SLC14A2: variants seen among roughly 807,000 people sequenced by gnomAD.
The protein encoded by SLC14A2 is urea transporter 2.
A neutral mutation model predicts 104.6 loss-of-function variants in SLC14A2; 91 were observed. That is an observed-to-expected ratio of 0.87 (90% CI 0.73 to 1.04). The LOEUF is 1.04. Among genes scored for constraint, SLC14A2 ranks in the 50% least tolerant of loss-of-function variants. The pLI is 0.00. For synonymous variants in SLC14A2, 476 were observed against 466.4 expected, an observed-to-expected ratio of 1.02 and a Z score of -0.27; for missense variants, 1,189 against 1,156.0, an observed-to-expected ratio of 1.03 and a Z score of -0.41.
intron 2 of SLC14A2, among the ~76,000 whole-genome samples, chr18:45,590,340 A>G (rs1235227673): frequency 6.6e-6 from 1 of 152,122 alleles, no homozygotes; most frequent in African/African-American, 2.4e-5. Flanking sequence ...GCATAAACTC[A>G]CAGGCCCATA....
rs576687292 is a variant in SLC14A2 at position 45,509,795 on chromosome 18, G to A, written c.-35+26473G>A. On this transcript the variant is annotated intron_variant, in intron 2 of 20. Transcript: ENST00000586448. ...TGCGATGAACTTTGTTTGTAGAGAT[G>A]TCTGACCCAGGGCCCCACACTGTGA... 3.3e-5 allele frequency among the ~76,000 whole-genome samples: 5 copies of A among 152,342 alleles called. No individual in the cohort carries two copies. In the East Asian group the frequency reaches 7.7e-4, roughly 24 times the overall value.
chr18:45,672,789 C>A, intron 16 of SLC14A2, 111 bp from the exon 17 acceptor site: 1 of 890,188 alleles, frequency 1.1e-6, no homozygotes, highest in Non-Finnish European at 1.7e-6. Flanking sequence ...AAATCCTGGA[C>A]ATCCATTGCA....
At chr18:45,514,717 T>C (rs1311255434) in intron 2 of SLC14A2, among the ~76,000 whole-genome samples, 1 of 152,178 alleles carries the variant, frequency 6.6e-6, no homozygotes. Flanking sequence ...TGTGCAAGCT[T>C]TCATGCTATG....
At chr18:45,583,125 C>T (rs1430662693) in intron 2 of SLC14A2, among the ~76,000 whole-genome samples, 1 of 152,182 alleles carries the variant, frequency 6.6e-6, no homozygotes, top group Non-Finnish European at 1.5e-5. Context: ...ATGTGTGTGA[C>T]TTTTCAGCAT....
At chr18:45,464,190 C>G (rs2087097990) in intron 1 of SLC14A2, among the ~76,000 whole-genome samples, 2 of 152,182 alleles carry the variant, frequency 1.3e-5, no homozygotes, top group African/African-American at 4.8e-5. Context: ...CCTCAGGAAC[C>G]TAAATATCTG....
rs554455536 is a variant in SLC14A2 at position 45,228,417 on chromosome 18, G to C, written c.-125+15226G>C. Among the ~76,000 whole-genome samples, 3 of 152,216 alleles carry C rather than the reference G, an allele frequency of 2.0e-5. No individual in the cohort carries two copies. The South Asian group carries it at 6.2e-4, about 32-fold the overall frequency. ...TGATGTGTGGATGCCCTTCTCCCCA[G>C]GTGAGCCCACTGCCACCATGGGAGG... On this transcript the variant is annotated intron_variant, in intron 1 of 20. Transcript: ENST00000586448.
intron 1 of SLC14A2, chr18:45,424,278 C>G (rs991597107): frequency 2.6e-5 from 4 of 152,256 alleles, no homozygotes; most frequent in Admixed American, 1.3e-4. Context: ...AGCTACATGA[C>G]TTTTCGGAGC....
chr18:45,286,950 C>T (rs1432040273), intron 1 of SLC14A2, among the ~76,000 whole-genome samples: 1 of 152,174 alleles, frequency 6.6e-6, no homozygotes, highest in African/African-American at 2.4e-5. Context: ...ATCAGGGTGA[C>T]AACTGAATAC....
intron 1 of SLC14A2, among the ~76,000 whole-genome samples, chr18:45,314,437 A>G (rs1350864872): frequency 6.6e-6 from 1 of 152,202 alleles, no homozygotes; most frequent in African/African-American, 2.4e-5. Flanking sequence ...GCAACCTCAC[A>G]TTGAAACAGC....
intron 2 of SLC14A2, among the ~76,000 whole-genome samples, chr18:45,557,515 C>T (rs1035876657): frequency 2.6e-5 from 4 of 152,230 alleles, no homozygotes; most frequent in Non-Finnish European, 2.9e-5. Context: ...GAAATAGCCT[C>T]GAGCAGCTGG....
intron 1 of SLC14A2, among the ~76,000 whole-genome samples, chr18:45,274,389 G>A (rs2084680948): frequency 6.6e-6 from 1 of 152,142 alleles, no homozygotes; most frequent in South Asian, 2.1e-4. Context: ...ATTTTTGGAA[G>A]TCTTTGGGGT....
At chr18:45,673,360 G>A (rs905266289) in intron 17 of SLC14A2, among the ~76,000 whole-genome samples, 1 of 152,214 alleles carries the variant, frequency 6.6e-6, no homozygotes, top group Admixed American at 6.5e-5. Context: ...TTCTCCATTA[G>A]AGAATTAAGG....
Position 45,668,429 on chromosome 18 carries a change from A to T in SLC14A2, c.1988A>T (p.Asp663Val). The change falls in exon 15 of 20, where the codon GAC becomes GTC. Residue 663 changes from aspartate (D) to valine (V), a missense_variant. By Grantham distance (152) the Asp-to-Val change is radical (BLOSUM62 -3). Coordinates refer to ENST00000255226, the MANE Select transcript of SLC14A2 (RefSeq NM_007163.4). ...ATGGCCGTGTTCTCAGACAAAGGTGACTACTACTGGTGGCTGTTGCTACCC... is the reference window on the plus strand; with the variant it reads ...ATGGCCGTGTTCTCAGACAAAGGTGTCTACTACTGGTGGCTGTTGCTACCC... ...LLMAVFSDKG[D>V]YYWWLLLPVI... 1 of 1,614,112 alleles carries T rather than the reference A, an allele frequency of 6.2e-7. No homozygotes were observed. The highest frequency in any genetic ancestry group is 1.1e-5 in the South Asian group (1 of 91,080).
At chr18:45,438,252 ATC>A (rs2086628245) in intron 1 of SLC14A2, 1 of 152,228 alleles carries the variant, frequency 6.6e-6, no homozygotes, top group Non-Finnish European at 1.5e-5. Flanking sequence ...GCCATTCAGC[ATC>A]TCTCTGCATG....
At chr18:45,422,149 G>C (rs2144521916) in intron 1 of SLC14A2, among the ~76,000 whole-genome samples, 1 of 152,296 alleles carries the variant, frequency 6.6e-6, no homozygotes, top group East Asian at 1.9e-4. Context: ...TTTCTGAGCA[G>C]GGGAGTAGCA....
At chr18:45,391,676 G>A in intron 1 of SLC14A2, among the ~76,000 whole-genome samples, 1 of 152,212 alleles carries the variant, frequency 6.6e-6, no homozygotes, top group Non-Finnish European at 1.5e-5. Context: ...CTGATGGCCA[G>A]TGATGATGAG....
intron 2 of SLC14A2, among the ~76,000 whole-genome samples, chr18:45,484,130 C>A (rs1467542070): frequency 6.6e-6 from 1 of 152,134 alleles, no homozygotes; most frequent in Non-Finnish European, 1.5e-5. Flanking sequence ...AACCCACCTG[C>A]CAATTGTCTG....
At chr18:45,420,994 C>T (rs1455904115) in intron 1 of SLC14A2, among the ~76,000 whole-genome samples, 1 of 152,102 alleles carries the variant, frequency 6.6e-6, no homozygotes, top group African/African-American at 2.4e-5. Context: ...CCACCTCAGC[C>T]TCCCAAAGTG....
At chr18:45,479,167 A>C (rs536462060) in intron 1 of SLC14A2, among the ~76,000 whole-genome samples, 25 of 152,348 alleles carry the variant, frequency 1.6e-4, no homozygotes, top group Middle Eastern at 3.4e-3. Context: ...CAAATTCAAA[A>C]GGAAGTGGGC....
Sources: gnomAD v4.1 joint callset for allele counts (sites outside exome capture counted in the v4.1 genomes callset) on GRCh38, gnomAD v4.1.1 for gene constraint, MANE v1.5 for transcripts, NCBI Gene and HGNC (gene_info 2026-07-23, HGNC 2026-07-21) for gene names.